The following CATSPERD variants were observed in gnomAD, a reference collection of about 807,000 sequenced individuals.
CATSPERD encodes the protein cation channel sperm-associated auxiliary subunit delta.
CATSPERD carries 86 observed loss-of-function variants against 98.1 expected under a neutral mutation model. The ratio of observed to expected loss-of-function variants is 0.88; its 90% CI spans 0.74 to 1.05. CATSPERD has a LOEUF of 1.05. CATSPERD is among the 50% of genes least tolerant of loss of function. The pLI is 0.00. For missense variants in CATSPERD, 995 were observed against 1,005.7 expected (o/e 0.99, Z 0.14); for synonymous variants, 394 against 390.2 (o/e 1.01, Z -0.12).
rs56352544 is a variant in CATSPERD, at chr19:5,763,847, C to CTTTTTTTTTTTTTTTTTTTTT, written c.1506+572_1506+573insTTTTTTTTTTTTTTTTTTTTT. ...TGTTGGCCAGGCTGGTCTTGAACTCCTTTTTTTTTTTTTTTTTTGACATGG... is the reference window on the plus strand; with the variant it reads ...TGTTGGCCAGGCTGGTCTTGAACTCCTTTTTTTTTTTTTTTTTTTTTTTTTTTTTTTTTTTTTTTGACATGG... On this transcript the variant is annotated intron_variant, in intron 16 of 21. Transcript: ENST00000381624. 2.6e-4 allele frequency among the ~76,000 whole-genome samples: 16 copies of CTTTTTTTTTTTTTTTTTTTTT among 62,136 alleles called. 2 individuals carry two copies. Among genetic ancestry groups the CTTTTTTTTTTTTTTTTTTTTT allele is most frequent in the East Asian group, 9.9e-4 (2 of 2,020 alleles). 40.8% of individuals were successfully genotyped at this position (62,136 alleles called of 152,430 possible).
chr19:5,747,794 T>C (rs900150447), intron 9 of CATSPERD, among the ~76,000 whole-genome samples: 1 of 151,964 alleles, frequency 6.6e-6, no homozygotes. Context: ...GTATTTTTAG[T>C]AGAGACAAGG....
chr19:5,768,015 C>A (rs1010982758), intron 17 of CATSPERD, among the ~76,000 whole-genome samples, 153 bp from the exon 18 acceptor site: 11 of 152,016 alleles, frequency 7.2e-5, no homozygotes, highest in Admixed American at 5.3e-4. Flanking sequence ...CCAGGCTGGT[C>A]TCCAACTCCT....
At chr19:5,758,282 G>C (rs188944616) in intron 14 of CATSPERD, among the ~76,000 whole-genome samples, 65 of 152,198 alleles carry the variant, frequency 4.3e-4, no homozygotes, top group South Asian at 2.9e-3. Context: ...CCTTTAACCA[G>C]GCTCGTCACA....
At chr19:5,771,935 A>T (rs910301824) in intron 19 of CATSPERD, among the ~76,000 whole-genome samples, 2 of 151,720 alleles carry the variant, frequency 1.3e-5, no homozygotes, top group Non-Finnish European at 2.9e-5. Context: ...CTATGACCTC[A>T]TATAGCTTTT....
Position 5,733,863 on chromosome 19 carries a change from T to C in CATSPERD, c.284T>C (p.Val95Ala), listed in dbSNP as rs73544757. 0.014 allele frequency: 23,271 copies of C among 1,607,976 alleles called. 998 individuals are homozygous for C. The highest frequency in any genetic ancestry group is 0.11 in the African/African-American group (8,412 of 74,408). The stretch of plus-strand genomic sequence containing the variant: ...CCATATGATAACTTTTAGGTCGGCG[T>C]ACCAGAAGTGACATCAGCACATTTT... ...FTIPTSMQVG[V>A]PEVTSAHFAG... The change falls in exon 5 of 22, where the codon GTA (valine) becomes GCA (alanine). Residue 95 changes from valine (V) to alanine (A), a missense_variant. This residue lies in a region of CATSPERD where 228 missense variants were observed against 209.6 expected (regional missense o/e 1.09). Coordinates refer to ENST00000381624, the MANE Select transcript of CATSPERD (RefSeq NM_152784.4).
chr19:5,724,742 T>C, intron 1 of CATSPERD, 66 bp from the exon 2 acceptor site: 2 of 1,505,980 alleles, frequency 1.3e-6, no homozygotes, highest in Non-Finnish European at 1.8e-6. Context: ...CTGAGTTGGC[T>C]GAGTAGGAGG....
At chr19:5,727,142 C>T in intron 2 of CATSPERD, 126 bp from the exon 3 acceptor site, 1 of 655,922 alleles carries the variant, frequency 1.5e-6, no homozygotes, top group African/African-American at 1.8e-5. Context: ...TTGCAGTGAG[C>T]CAAGATTGTG....
At chr19:5,773,980 T>TC (rs1385151162) in intron 20 of CATSPERD, among the ~76,000 whole-genome samples, 1 of 149,192 alleles carries the variant, frequency 6.7e-6, no homozygotes, top group Non-Finnish European at 1.5e-5. Flanking sequence ...TTTTTTTTTT[T>TC]TTTTTGAGAC....
chr19:5,752,808 A>T (rs1024088807), intron 12 of CATSPERD, among the ~76,000 whole-genome samples: 1 of 151,908 alleles, frequency 6.6e-6, no homozygotes, highest in Non-Finnish European at 1.5e-5. Context: ...CGGGCGGATC[A>T]CCTGAGGTCA....
chr19:5,760,155 C>T (rs2145819976), intron 15 of CATSPERD, among the ~76,000 whole-genome samples: 1 of 149,316 alleles, frequency 6.7e-6, no homozygotes, highest in Admixed American at 6.7e-5. Flanking sequence ...AATCCCAACA[C>T]TGTGGGAGGC....
intron 18 of CATSPERD, among the ~76,000 whole-genome samples, chr19:5,770,709 A>G (rs1599593931): frequency 1.3e-5 from 2 of 152,124 alleles, no homozygotes; most frequent in South Asian, 4.1e-4. Flanking sequence ...TGGGCCCAGG[A>G]GGTGGAGGTT....
chr19:5,763,847 C>CTTTTTTTTTTTTTGTTTTTTTTTTTTTTT (rs2056488400), intron 16 of CATSPERD, among the ~76,000 whole-genome samples: 1 of 62,120 alleles, frequency 1.6e-5, no homozygotes, highest in Non-Finnish European at 3.2e-5. Flanking sequence ...TCTTGAACTC[C>CTTTTTTTTTTTTTGTTTTTTTTTTTTTTT]TTTTTTTTTT....
Position 5,727,298 on chromosome 19 carries a change from C to A in CATSPERD, c.157C>A (p.Arg53Ser), listed in dbSNP as rs78781569. The A allele has an allele frequency of 6.8e-6, 11 of 1,613,662 alleles. No individual in the cohort carries two copies. Among genetic ancestry groups the A allele is most frequent in the East Asian group, 4.5e-5 (2 of 44,882 alleles). Residue 53 changes from arginine (R) to serine (S), a missense_variant, in exon 3 of 22, where the codon CGC (arginine) becomes AGC (serine). Physicochemically the swap from Arg to Ser is moderately radical, Grantham distance 110 (BLOSUM62 -1). This residue lies in a region of CATSPERD where 228 missense variants were observed against 209.6 expected (regional missense o/e 1.09). Transcript: ENST00000381624. ...CCTGTATTTTCATCCTACAACAACA[C>A]GCTTGATTAAACATCCTTGCGAGAA... ...DRLYFHPTTTRLIKHPCEKNI... is the reference protein window; with the variant it reads ...DRLYFHPTTTSLIKHPCEKNI...
intron 20 of CATSPERD, chr19:5,775,326 G>A: frequency 2.1e-6 from 1 of 469,284 alleles, no homozygotes; most frequent in Non-Finnish European, 4.4e-6. Flanking sequence ...CCACAGACCT[G>A]CGTATTTATT....
At chr19:5,768,291 G>A (rs188022444) in intron 18 of CATSPERD, 49 bp downstream of exon 18, 2 of 1,435,850 alleles carry the variant, frequency 1.4e-6, no homozygotes, top group African/African-American at 1.4e-5. Flanking sequence ...CGACCATTGG[G>A]CCTGCAAAAG....
chr19:5,732,969 G>A (rs1163618783), intron 4 of CATSPERD, among the ~76,000 whole-genome samples: 3 of 151,644 alleles, frequency 2.0e-5, no homozygotes, highest in Admixed American at 6.6e-5. Context: ...GAGCCACCAT[G>A]CTCGGCCATA....
chr19:5,740,221 C>T (rs918421012), intron 7 of CATSPERD, among the ~76,000 whole-genome samples: 3 of 150,850 alleles, frequency 2.0e-5, no homozygotes, highest in Admixed American at 6.7e-5. Flanking sequence ...GCAGAGGTTG[C>T]GGTGAGCCAA....
chr19:5,773,719 A>G (rs2056691435), intron 20 of CATSPERD, among the ~76,000 whole-genome samples: 1 of 138,038 alleles, frequency 7.2e-6, no homozygotes, highest in Admixed American at 7.7e-5. Context: ...TTGTAGAGGC[A>G]GGGCTTCAGT....
rs2056132302 is a variant in CATSPERD at position 5,748,183 on chromosome 19, G to C, written c.832G>C (p.Val278Leu). Residue 278 changes from valine to leucine, a missense_variant, in exon 10 of 22, where the codon GTG becomes CTG. This residue lies in a region of CATSPERD where 762 missense variants were observed against 773.7 expected (regional missense o/e 0.98). Transcript: ENST00000381624. ...NAGQLVDTVR[V>L]KKGDQTLFSS... is the part of the protein sequence containing the mutation. ...AGGTCAGCTCGTCGACACCGTCCGG[G>C]TGAAAAAAGGAGACCAGACCTTGTT... is the stretch of plus-strand genomic sequence containing the variant. 1.2e-6 allele frequency: 2 copies of C among 1,613,700 alleles called. No individual in the cohort carries two copies. Among genetic ancestry groups the C allele is most frequent in the African/African-American group, 2.7e-5 (2 of 74,864 alleles).
Sources: allele counts gnomAD v4.1 joint callset (sites outside exome capture counted in the v4.1 genomes callset), GRCh38; gene constraint gnomAD v4.1.1; regional missense constraint gnomAD v4.1.1; transcripts MANE v1.5; gene names NCBI Gene and HGNC (gene_info 2026-07-23, HGNC 2026-07-21).